ITPRID2: variants seen among roughly 807,000 people sequenced by gnomAD.
ITPRID2 encodes protein ITPRID2.
In ITPRID2, 60 loss-of-function variants were observed where a neutral mutation model predicts 124.3. That is an observed-to-expected ratio of 0.48 (90% CI 0.39 to 0.60). The LOEUF (loss-of-function observed/expected upper bound fraction) is 0.60, where lower values mean the gene tolerates loss of function less well. Among genes scored for constraint, ITPRID2 ranks in the 20% least tolerant of loss-of-function variants. The pLI is 0.00. For synonymous variants in ITPRID2, 521 were observed against 542.9 expected, an observed-to-expected ratio of 0.96 and a Z score of 0.56; for missense variants, 1,553 against 1,512.2, an observed-to-expected ratio of 1.03 and a Z score of -0.45.
intron 16 of ITPRID2, among the ~76,000 whole-genome samples, chr2:181,927,474 T>A (rs1243489390): frequency 6.6e-6 from 1 of 152,152 alleles, no homozygotes; most frequent in East Asian, 1.9e-4. Context: ...TCTGTTTGCC[T>A]TTTCCAACAA....
chr2:181,917,106 T>C, intron 11 of ITPRID2: 1 of 773,168 alleles, frequency 1.3e-6, no homozygotes, highest in Non-Finnish European at 1.6e-6. Context: ...CCAAAAAAAT[T>C]TTGAAAATAA....
chr2:181,895,399 A>G (rs1227640118), intron 2 of ITPRID2, among the ~76,000 whole-genome samples: 1 of 152,086 alleles, frequency 6.6e-6, no homozygotes, highest in African/African-American at 2.4e-5. Context: ...TCTCAAGTCA[A>G]CTTTTTAGTA....
Position 181,892,048 on chromosome 2 carries a change from C to A in ITPRID2, c.-19C>A, listed in dbSNP as rs1273646628. ...CTCGCGCAGGGTCCGGCTGGGGTAG[C>A]GGAGCCCCCAGTGCGGCCATGGACC... On this transcript the variant is annotated 5_prime_UTR_variant, in exon 1 of 18. Coordinates refer to ENST00000431877, the MANE Select transcript of ITPRID2 (RefSeq NM_001130445.3). The surrounding 1 kb of genome is among the most constrained non-coding windows in gnomAD (Gnocchi z 5.2). 7 of 1,546,968 alleles carry A rather than the reference C, an allele frequency of 4.5e-6. No homozygotes were observed. The highest frequency in any genetic ancestry group is 6.1e-6 in the Non-Finnish European group (7 of 1,146,088).
At chr2:181,925,535 T>A (rs1455303592) in intron 16 of ITPRID2, among the ~76,000 whole-genome samples, 2 of 152,166 alleles carry the variant, frequency 1.3e-5, no homozygotes, top group African/African-American at 4.8e-5. Flanking sequence ...TCTGCTTTCG[T>A]TTTTCTGCTT....
At chr2:181,927,248 G>A (rs1694930527) in intron 16 of ITPRID2, among the ~76,000 whole-genome samples, 1 of 152,176 alleles carries the variant, frequency 6.6e-6, no homozygotes, top group Admixed American at 6.5e-5. Context: ...ACAGGAAACT[G>A]GAAATGTAGA....
At chr2:181,904,112 G>A (rs1021753560) in intron 8 of ITPRID2, among the ~76,000 whole-genome samples, 1 of 152,076 alleles carries the variant, frequency 6.6e-6, no homozygotes, top group Non-Finnish European at 1.5e-5. Flanking sequence ...CTAAGCTGTA[G>A]TTTTTAAAAT....
At position 181,915,465 on chromosome 2, in the gene ITPRID2, C is replaced by G; in HGVS notation, c.1825C>G (p.Gln609Glu). The G allele has an allele frequency of 6.2e-7, 1 of 1,614,208 alleles. No homozygotes were observed. Among genetic ancestry groups the G allele is most frequent in the South Asian group, 1.1e-5 (1 of 91,084 alleles). Residue 609 changes from glutamine to glutamate, a missense_variant, in exon 11 of 18, where the codon CAG becomes GAG. Physicochemically the swap from Gln to Glu is conservative, Grantham distance 29. Transcript: ENST00000431877. ...CNTIENTGTK[Q>E]STCSPGDHII... ...CACCATTGAGAATACAGGAACTAAA[C>G]AGTCCACCTGTAGTCCAGGGGATCA... is the stretch of plus-strand genomic sequence containing the variant.
rs944553825 is a variant in ITPRID2, at chr2:181,928,221, G to C, written c.3736G>C (p.Val1246Leu). Reference protein sequence around the residue: ...REIVSGLLAAVSSSKASNSKQ... With the variant: ...REIVSGLLAALSSSKASNSKQ... The stretch of plus-strand genomic sequence containing the variant: ...AATTGTAAGTGGACTTTTGGCAGCA[G>C]TATCTTCAAGTAAAGCGTCTAATTC... Residue 1246 changes from valine to leucine, a missense_variant, in exon 17 of 18, where the codon GTA (valine) becomes CTA (leucine). By Grantham distance (32) the Val-to-Leu change is conservative. Transcript: ENST00000431877. 3.2e-6 allele frequency: 5 copies of C among 1,550,792 alleles called. No homozygotes were observed. The African/African-American group carries it at 5.5e-5, about 17-fold the overall frequency.
At position 181,915,352 on chromosome 2, in the gene ITPRID2, C is replaced by G. The variant is rs560366010; in HGVS notation, c.1712C>G (p.Ser571Cys). ...TATTTTAATGAATCAGAGGAGGAGTCTCTTGTCCCTCTTCAGAAGGGACTA... is the reference window on the plus strand; with the variant it reads ...TATTTTAATGAATCAGAGGAGGAGTGTCTTGTCCCTCTTCAGAAGGGACTA... ...QPYFNESEEE[S>C]LVPLQKGLEK... The change falls in exon 11 of 18, where the codon TCT (serine) becomes TGT (cysteine). Residue 571 changes from serine to cysteine, a missense_variant. Coordinates refer to ENST00000431877, the MANE Select transcript of ITPRID2 (RefSeq NM_001130445.3). The G allele has an allele frequency of 1.4e-4, 218 of 1,614,140 alleles. 2 individuals carry two copies. In the South Asian group the frequency reaches 2.3e-3, roughly 17 times the overall value.
chr2:181,920,643 C>A lies in ITPRID2; in HGVS notation c.3191C>A (p.Pro1064Gln). The change falls in exon 15 of 18, where the codon CCA (proline) becomes CAA (glutamine). Residue 1064 changes from proline to glutamine, a missense_variant. Transcript: ENST00000431877. ...RSADNLSCPS[P>Q]LNVMEPVTEL... is the part of the protein sequence containing the mutation. The stretch of plus-strand genomic sequence containing the variant: ...GCTGATAACTTGTCATGCCCTTCTC[C>A]ATTGAATGTAATGGAACCAGTAAGC... The A allele has an allele frequency of 6.2e-7, 1 of 1,613,314 alleles. No homozygotes were observed. The highest frequency in any genetic ancestry group is 8.5e-7 in the Non-Finnish European group (1 of 1,179,540).
At chr2:181,929,028 T>C (rs1695083623) in intron 17 of ITPRID2, among the ~76,000 whole-genome samples, 1 of 151,508 alleles carries the variant, frequency 6.6e-6, no homozygotes, top group African/African-American at 2.4e-5. Flanking sequence ...CAAAAAACTC[T>C]TTTATATGTC....
At chr2:181,926,831 T>G (rs1219342077) in intron 16 of ITPRID2, among the ~76,000 whole-genome samples, 1 of 152,124 alleles carries the variant, frequency 6.6e-6, no homozygotes, top group Non-Finnish European at 1.5e-5. Flanking sequence ...AAGACTATAC[T>G]CATTGTTGTG....
intron 16 of ITPRID2, among the ~76,000 whole-genome samples, chr2:181,926,753 G>T (rs1359391213): frequency 1.3e-5 from 2 of 150,372 alleles, no homozygotes; most frequent in African/African-American, 4.9e-5. Context: ...TGGCTAGTTT[G>T]TTTTTTGAGT....
At chr2:181,927,436 A>C (rs927928571) in intron 16 of ITPRID2, among the ~76,000 whole-genome samples, 1 of 152,282 alleles carries the variant, frequency 6.6e-6, no homozygotes, top group African/African-American at 2.4e-5. Context: ...GTAGAAGAAA[A>C]TCCTGATGGA....
rs757344169 is a variant in ITPRID2 at position 181,920,598 on chromosome 2, G to T, written c.3146G>T (p.Gly1049Val). The change falls in exon 15 of 18, where the codon GGA becomes GTA. Residue 1049 changes from glycine (G) to valine (V), a missense_variant and splice_region_variant. Transcript: ENST00000431877. ...TATATATTGTTCTTACCTTTTCAGG[G>T]AATGTGTGGCAGTAGAAGCGCTGAT... is the stretch of plus-strand genomic sequence containing the variant. ...PSPFRSSALM[G>V]MCGSRSADNL... 9 of 1,611,732 alleles carry T rather than the reference G, an allele frequency of 5.6e-6. No individual in the cohort carries two copies. The highest frequency in any genetic ancestry group is 1.7e-5 in the Admixed American group (1 of 59,980).
chr2:181,913,059 G>A (rs1216826001), intron 9 of ITPRID2, among the ~76,000 whole-genome samples: 1 of 151,586 alleles, frequency 6.6e-6, no homozygotes, highest in African/African-American at 2.4e-5. Context: ...GGCCTTAATT[G>A]TATTTATTTA....
Position 181,896,908 on chromosome 2 carries a change from G to A in ITPRID2, c.308G>A (p.Gly103Asp), listed in dbSNP as rs1027212459. ...ATGAGTTTTCAAATGTGTCTTTCAG[G>A]TGTGCTTGTGAGAAATGGAGGAAGT... ...LDEQSSSTLKGVLVRNGGSFE... is the reference protein window; with the variant it reads ...LDEQSSSTLKDVLVRNGGSFE... Residue 103 changes from glycine to aspartate, a missense_variant and splice_region_variant, in exon 4 of 18, where the codon GGT becomes GAT. Transcript: ENST00000431877. The surrounding 1 kb of genome is among the most constrained non-coding windows in gnomAD (Gnocchi z 4.3). 1 of 1,612,402 alleles carries A rather than the reference G, an allele frequency of 6.2e-7. No individual in the cohort carries two copies. The highest frequency in any genetic ancestry group is 1.3e-5 in the African/African-American group (1 of 74,966).
rs1439989338 is a variant in ITPRID2 at position 181,899,084 on chromosome 2, T to A, written c.475T>A (p.Ser159Thr). The A allele has an allele frequency of 4.3e-6, 7 of 1,610,432 alleles. No individual in the cohort carries two copies. The Admixed American group carries it at 5.1e-5, about 12-fold the overall frequency. Reference sequence around the variant, plus strand: ...AGGGAGAAGTATGAATTCCACTGGATCTGGGAAAAGTAGTGGGACAGTTTC... The same window carrying A: ...AGGGAGAAGTATGAATTCCACTGGAACTGGGAAAAGTAGTGGGACAGTTTC... ...QKGRSMNSTGSGKSSGTVSSV... is the reference protein window; with the variant it reads ...QKGRSMNSTGTGKSSGTVSSV... Residue 159 changes from serine to threonine, a missense_variant, in exon 6 of 18, where the codon TCT (serine) becomes ACT (threonine). Ser to Thr is a moderately conservative substitution (Grantham distance 58, BLOSUM62 1). Coordinates refer to ENST00000431877, the MANE Select transcript of ITPRID2 (RefSeq NM_001130445.3).
intron 7 of ITPRID2, among the ~76,000 whole-genome samples, chr2:181,901,160 G>T (rs1460691237): frequency 6.6e-6 from 1 of 151,966 alleles, no homozygotes; most frequent in Non-Finnish European, 1.5e-5. Flanking sequence ...CCTTATTGTT[G>T]TCTACAGATT....
Sources: allele counts gnomAD v4.1 joint callset (sites outside exome capture counted in the v4.1 genomes callset), GRCh38; gene constraint gnomAD v4.1.1; non-coding constraint Gnocchi (gnomAD v3.1); transcripts MANE v1.5; gene names NCBI Gene and HGNC (gene_info 2026-07-23, HGNC 2026-07-21).